KTN1: variants seen among roughly 807,000 people sequenced by gnomAD.
KTN1 encodes the protein kinectin 1.
A neutral mutation model predicts 222.5 loss-of-function variants in KTN1; 130 were observed. The ratio of observed to expected loss-of-function variants is 0.58; its 90% confidence interval spans 0.51 to 0.68. The LOEUF (loss-of-function observed/expected upper bound fraction) is 0.68, where lower values mean the gene tolerates loss of function less well. KTN1 is among the 30% of genes least tolerant of loss of function. The pLI is 0.00. For synonymous variants in KTN1, 512 were observed against 496.3 expected, an observed-to-expected ratio of 1.03 and a Z score of -0.42; for missense variants, 1,508 against 1,500.4, an observed-to-expected ratio of 1.01 and a Z score of -0.08.
intron 1 of KTN1, among the ~76,000 whole-genome samples, chr14:55,604,133 A>G (rs965747930): frequency 6.6e-6 from 1 of 152,206 alleles, no homozygotes; most frequent in African/African-American, 2.4e-5. Flanking sequence ...AAACTACATG[A>G]ATTGTTAACC....
intron 6 of KTN1, among the ~76,000 whole-genome samples, chr14:55,628,328 A>G (rs59024846): frequency 0.019 from 2,951 of 152,304 alleles, 93 homozygotes; most frequent in African/African-American, 0.064. Context: ...TCTGTTCTCA[A>G]TAGAAACACA....
chr14:55,598,487 G>GA (rs2035442096), intron 1 of KTN1, among the ~76,000 whole-genome samples: 1 of 146,582 alleles, frequency 6.8e-6, no homozygotes, highest in African/African-American at 2.5e-5. Flanking sequence ...ACTCTGGTTG[G>GA]AAAGAGGTAC....
chr14:55,598,014 C>T (rs771042986), intron 1 of KTN1, among the ~76,000 whole-genome samples: 29 of 152,234 alleles, frequency 1.9e-4, no homozygotes, highest in African/African-American at 6.3e-4. Flanking sequence ...GCTTTGTATA[C>T]GGAAGCTTGG....
rs1245690857 is a variant in KTN1 at position 55,661,523 on chromosome 14, A to G, written c.3001A>G (p.Ile1001Val). 5.1e-6 allele frequency: 8 copies of G among 1,571,640 alleles called. No homozygotes were observed. The East Asian group carries it at 1.1e-4, about 22-fold the overall frequency. ...ACATGTATTCATGTTCTGGTTTAGAATTTCAGAAAGAGAGAAAGAAATAAG... is the reference window on the plus strand; with the variant it reads ...ACATGTATTCATGTTCTGGTTTAGAGTTTCAGAAAGAGAGAAAGAAATAAG... ...FPPHEELLKV[I>V]SEREKEISGL... Residue 1001 changes from isoleucine to valine, a missense_variant and splice_region_variant, in exon 32 of 44, where the codon ATT becomes GTT. Transcript: ENST00000395314.
In KTN1 at chr14:55,586,227, T is replaced by C. The variant is rs188686067; in HGVS notation, c.-31+5873T>C. 9.7e-4 allele frequency among the ~76,000 whole-genome samples: 148 copies of C among 152,316 alleles called. 2 individuals are homozygous for C. Among genetic ancestry groups the C allele is most frequent in the South Asian group, 1.9e-3 (9 of 4,828 alleles). On this transcript the variant is annotated intron_variant, in intron 1 of 43. Coordinates refer to ENST00000395314, the MANE Select transcript of KTN1 (RefSeq NM_001079521.2). ...GGGGTAGTGGAAACAGCTTGGGCAC[T>C]AGGGAGCCTGAAGACCTTGGGCTTG... is the stretch of plus-strand genomic sequence containing the variant.
At chr14:55,652,986 A>C (rs529691145) in intron 26 of KTN1, 31 bp from the exon 27 acceptor site, 1 of 1,582,048 alleles carries the variant, frequency 6.3e-7, no homozygotes, top group Admixed American at 1.7e-5. Context: ...ATACTTGACT[A>C]TCAATTTAAT....
chr14:55,630,093 T>C lies in KTN1; in HGVS notation c.1217T>C (p.Met406Thr). 6.2e-7 allele frequency: 1 copy of C among 1,610,024 alleles called. No individual in the cohort carries two copies. The highest frequency in any genetic ancestry group is 1.3e-5 in the African/African-American group (1 of 74,928). Reference sequence around the variant, plus strand: ...TATCAAGAGACTCAACAGATGCAGATGAAGGTATATTTTCATTCTTTGGAA... The same window carrying C: ...TATCAAGAGACTCAACAGATGCAGACGAAGGTATATTTTCATTCTTTGGAA... ...VSYQETQQMQ[M>T]KFQQVREQME... The change falls in exon 7 of 44, where the codon ATG becomes ACG. Residue 406 changes from methionine (M) to threonine (T), a missense_variant. Met to Thr is a moderately conservative substitution (Grantham distance 81). Transcript: ENST00000395314.
intron 1 of KTN1, among the ~76,000 whole-genome samples, chr14:55,582,272 T>A (rs931935889): frequency 6.6e-6 from 1 of 152,194 alleles, no homozygotes; most frequent in African/African-American, 2.4e-5. Flanking sequence ...CTCTTCTGTT[T>A]GATGTTGTGT....
chr14:55,641,307 C>G (rs569270370), intron 17 of KTN1, 99 bp downstream of exon 17: 3 of 691,108 alleles, frequency 4.3e-6, no homozygotes, highest in African/African-American at 1.8e-5. Context: ...TGAAGTCACT[C>G]TGAAACAGTG....
chr14:55,609,868 A>G (rs2037285558), intron 1 of KTN1, among the ~76,000 whole-genome samples: 1 of 152,064 alleles, frequency 6.6e-6, no homozygotes, highest in South Asian at 2.1e-4. Context: ...TGTGTATTCT[A>G]TGGATGCTAT....
At chr14:55,660,941 T>G (rs1031059671) in intron 31 of KTN1, among the ~76,000 whole-genome samples, 4 of 152,220 alleles carry the variant, frequency 2.6e-5, no homozygotes, top group African/African-American at 9.6e-5. Flanking sequence ...TTTAACTTTC[T>G]ACTCCAGCCA....
intron 1 of KTN1, among the ~76,000 whole-genome samples, chr14:55,597,315 A>G (rs561243931): frequency 1.6e-3 from 248 of 152,334 alleles, no homozygotes; most frequent in South Asian, 3.3e-3. Context: ...TTCTTAAGGT[A>G]CAATTTCAGA....
intron 2 of KTN1, 121 bp from the exon 3 acceptor site, chr14:55,616,396 G>A (rs1240073962): frequency 6.2e-6 from 5 of 803,590 alleles, no homozygotes; most frequent in African/African-American, 1.7e-5. Flanking sequence ...TGGTGAGAGC[G>A]TTATATGTCA....
intron 5 of KTN1, among the ~76,000 whole-genome samples, chr14:55,625,231 T>C (rs1038521469): frequency 6.6e-6 from 1 of 151,760 alleles, no homozygotes; most frequent in African/African-American, 2.4e-5. Context: ...GAGAATTAAA[T>C]GCTAGTGCAT....
Position 55,684,223 on chromosome 14 carries a change from G to T in KTN1, c.*120G>T. 5.5e-6 allele frequency: 4 copies of T among 729,046 alleles called. No individual in the cohort carries two copies. The highest frequency in any genetic ancestry group is 6.5e-6 in the Non-Finnish European group (3 of 459,298). 45.2% of individuals were successfully genotyped at this position (729,046 alleles called of 1,614,324 possible). ...TGTCAGAAACACTGAACAGAGTTTT[G>T]TCTTTTCTAATCCTTGTTAGACTAC... is the stretch of plus-strand genomic sequence containing the variant. On this transcript the variant is annotated 3_prime_UTR_variant, in exon 44 of 44. Coordinates refer to ENST00000395314, the MANE Select transcript of KTN1 (RefSeq NM_001079521.2).
Position 55,612,336 on chromosome 14 carries a change from A to G in KTN1, c.288A>G (p.Gln96=), listed in dbSNP as rs1029478471. 2.5e-6 allele frequency: 4 copies of G among 1,614,180 alleles called. No individual in the cohort carries two copies. The highest frequency in any genetic ancestry group is 3.4e-6 in the Non-Finnish European group (4 of 1,180,006). The part of the protein sequence containing the change: ...LSDALAVEDD[Q]VAPVPLNVVE... ...ATGCTTTGGCAGTAGAAGATGATCA[A>G]GTTGCACCTGTTCCATTGAATGTCG... is the stretch of plus-strand genomic sequence containing the variant. Residue 96 remains glutamine, a synonymous_variant, in exon 2 of 44, where the codon CAA becomes CAG. Coordinates refer to ENST00000395314, the MANE Select transcript of KTN1 (RefSeq NM_001079521.2).
At chr14:55,647,799 C>A (rs969713743) in intron 19 of KTN1, among the ~76,000 whole-genome samples, 6 of 151,392 alleles carry the variant, frequency 4.0e-5, no homozygotes, top group African/African-American at 7.3e-5. Context: ...AAAAAATTAG[C>A]CAGGCGTGGT....
At position 55,667,313 on chromosome 14, in the gene KTN1, T is replaced by A. The variant is rs1417289510; in HGVS notation, c.3250T>A (p.Ser1084Thr). 3 of 1,588,620 alleles carry A rather than the reference T, an allele frequency of 1.9e-6. No individual in the cohort carries two copies. The highest frequency in any genetic ancestry group is 2.6e-6 in the Non-Finnish European group (3 of 1,162,734). The change falls in exon 34 of 44, where the codon TCT becomes ACT. Residue 1084 changes from serine to threonine, a missense_variant. Ser to Thr is a moderately conservative substitution (Grantham distance 58). Transcript: ENST00000395314. ...TCTCAAAAAATTATTTCCAAAGGTG[T>A]CTGTCCCTTCTAATTTGGTAAGACT... is the stretch of plus-strand genomic sequence containing the variant. ...EVLKKLFPKV[S>T]VPSNLSYGEW... is the part of the protein sequence containing the mutation.
chr14:55,639,845 G>C, intron 13 of KTN1, 68 bp from the exon 14 acceptor site: 1 of 996,150 alleles, frequency 1.0e-6, no homozygotes, highest in Non-Finnish European at 1.6e-6. Context: ...GCTTTTTAAG[G>C]CTTTAAATCC....
Sources: allele counts gnomAD v4.1 joint callset (sites outside exome capture counted in the v4.1 genomes callset), GRCh38; gene constraint gnomAD v4.1.1; transcripts MANE v1.5; gene names NCBI Gene and HGNC (gene_info 2026-07-23, HGNC 2026-07-21).